ASTN1: variants seen among roughly 807,000 people sequenced by gnomAD.
ASTN1 encodes the protein astrotactin 1.
ASTN1 carries 41 observed loss-of-function variants against 140.7 expected under a neutral mutation model. The observed-to-expected ratio is 0.29, with a 90% CI of 0.23 to 0.38. The LOEUF is 0.38. Ranked by LOEUF, ASTN1 falls within the 10% of genes least tolerant of loss-of-function variation. ASTN1 has a pLI of 1.00. For missense variants in ASTN1, 1,479 were observed against 1,678.8 expected (o/e 0.88, Z 2.08); for synonymous variants, 640 against 652.2 (o/e 0.98, Z 0.29).
At chr1:177,059,727 T>C (rs1038721967) in intron 2 of ASTN1, among the ~76,000 whole-genome samples, 2 of 152,222 alleles carry the variant, frequency 1.3e-5, no homozygotes, top group African/African-American at 4.8e-5. Context: ...CTTTGGATAA[T>C]AGGCATTCTT....
At chr1:177,120,429 TC>T (rs1218871654) in intron 1 of ASTN1, among the ~76,000 whole-genome samples, 1 of 152,136 alleles carries the variant, frequency 6.6e-6, no homozygotes, top group African/African-American at 2.4e-5. Flanking sequence ...GGGGTTTTCT[TC>T]ATCTAGATTC....
At chr1:176,907,291 T>C (rs1038368091) in intron 16 of ASTN1, among the ~76,000 whole-genome samples, 3 of 152,202 alleles carry the variant, frequency 2.0e-5, no homozygotes, top group African/African-American at 7.2e-5. Context: ...GAACGCTTTT[T>C]ATAAATCTTA....
At chr1:176,980,908 C>T (rs192247097) in intron 8 of ASTN1, among the ~76,000 whole-genome samples, 14 of 151,956 alleles carry the variant, frequency 9.2e-5, no homozygotes, top group Admixed American at 5.2e-4. Context: ...CGCCAGATAC[C>T]ACAGTAAGCA....
intron 1 of ASTN1, among the ~76,000 whole-genome samples, chr1:177,130,055 A>C (rs1681870071): frequency 1.3e-5 from 2 of 152,268 alleles, no homozygotes; most frequent in African/African-American, 4.8e-5. Context: ...GCTGAGGCTC[A>C]GAAAAGTTAA....
Position 176,862,933 on chromosome 1 carries a change from G to A in ASTN1, c.*1351C>T, listed in dbSNP as rs952510479. 1 of 985,344 alleles carries A rather than the reference G, an allele frequency of 1.0e-6. No individual in the cohort carries two copies. Among genetic ancestry groups the A allele is most frequent in the Admixed American group, 6.1e-5 (1 of 16,272 alleles). 61.0% of individuals were successfully genotyped at this position (985,344 alleles called of 1,614,324 possible). On this transcript the variant is annotated 3_prime_UTR_variant, in exon 23 of 23. Coordinates refer to ENST00000361833, the MANE Select transcript of ASTN1 (RefSeq NM_004319.3). Reference sequence around the variant, plus strand: ...TCCAGATGAGGAGCCCTGGTCAAAGGCATGGTGGCTGAAGGTGTGTGTTCA... The same window carrying A: ...TCCAGATGAGGAGCCCTGGTCAAAGACATGGTGGCTGAAGGTGTGTGTTCA...
At chr1:176,893,758 C>T (rs1273126486) in intron 17 of ASTN1, among the ~76,000 whole-genome samples, 10 of 152,186 alleles carry the variant, frequency 6.6e-5, no homozygotes, top group Non-Finnish European at 1.2e-4. Context: ...GTCCCACACC[C>T]GGCGTCTCCT....
At chr1:177,157,689 C>G (rs1244353284) in intron 1 of ASTN1, among the ~76,000 whole-genome samples, 1 of 152,006 alleles carries the variant, frequency 6.6e-6, no homozygotes. Flanking sequence ...CTGCTAGAAG[C>G]TTTGAGGCCC....
chr1:176,960,786 C>A (rs1215859498), intron 9 of ASTN1, among the ~76,000 whole-genome samples: 1 of 152,152 alleles, frequency 6.6e-6, no homozygotes, highest in East Asian at 1.9e-4. Context: ...TGCTTTTGCT[C>A]CTAATAGTCC....
intron 1 of ASTN1, among the ~76,000 whole-genome samples, chr1:177,099,210 T>C (rs1158098422): frequency 6.6e-6 from 1 of 152,190 alleles, no homozygotes; most frequent in Non-Finnish European, 1.5e-5. Flanking sequence ...TTTTATGTAC[T>C]CTCTTTTTTC....
chr1:176,876,579 C>T lies in ASTN1; in HGVS notation c.3421G>A (p.Val1141Met), dbSNP rs138300101. The T allele has an allele frequency of 2.3e-5, 37 of 1,614,062 alleles. No individual in the cohort carries two copies. The highest frequency in any genetic ancestry group is 1.3e-4 in the East Asian group (6 of 44,884). The change falls in exon 21 of 23, where the codon GTG becomes ATG. Residue 1141 changes from valine to methionine, a missense_variant. Coordinates refer to ENST00000361833, the MANE Select transcript of ASTN1 (RefSeq NM_004319.3). ...GRRSRPSDVI[V>M]KTPCPVVDDV... ...TCCACCACGGGGCATGGGGTCTTCA[C>T]GATCACGTCGCTTGGCCTGGAGCGC...
At chr1:177,039,968 A>T (rs2101991324) in intron 2 of ASTN1, among the ~76,000 whole-genome samples, 1 of 152,324 alleles carries the variant, frequency 6.6e-6, no homozygotes, top group Non-Finnish European at 1.5e-5. Flanking sequence ...TTGCACACAA[A>T]GACCTCTGAA....
chr1:176,893,461 C>T (rs1229406808), intron 17 of ASTN1, among the ~76,000 whole-genome samples: 2 of 152,158 alleles, frequency 1.3e-5, no homozygotes, highest in Non-Finnish European at 2.9e-5. Flanking sequence ...AACGTGTAGG[C>T]CACGAGAACA....
At chr1:177,107,671 C>T (rs1437001946) in intron 1 of ASTN1, among the ~76,000 whole-genome samples, 1 of 152,182 alleles carries the variant, frequency 6.6e-6, no homozygotes, top group Non-Finnish European at 1.5e-5. Flanking sequence ...CTCACCAGCT[C>T]CGGGTTCTAG....
intron 14 of ASTN1, 129 bp downstream of exon 14, chr1:176,943,762 G>A: frequency 7.4e-6 from 9 of 1,218,784 alleles, no homozygotes; most frequent in Non-Finnish European, 9.8e-6. Context: ...TTATGGCTGA[G>A]CTTTTATTGT....
intron 20 of ASTN1, among the ~76,000 whole-genome samples, chr1:176,880,280 C>T (rs1668741939): frequency 6.6e-6 from 1 of 152,178 alleles, no homozygotes; most frequent in African/African-American, 2.4e-5. Flanking sequence ...GAGTGGAGGA[C>T]TCGTAAGCCC....
At chr1:177,080,259 C>CAAAAAAA (rs11300384) in intron 1 of ASTN1, among the ~76,000 whole-genome samples, 1 of 48,404 alleles carries the variant, frequency 2.1e-5, no homozygotes, top group Non-Finnish European at 3.6e-5. Flanking sequence ...ATCACCAGGC[C>CAAAAAAA]AAAAAAAAAA....
chr1:177,152,687 T>C lies in ASTN1; in HGVS notation c.283+11707A>G, dbSNP rs377614238. Among the ~76,000 whole-genome samples the C allele has an allele frequency of 3.9e-5, 6 of 152,256 alleles. No individual in the cohort carries two copies. The East Asian group carries it at 1.2e-3, about 29-fold the overall frequency. ...CAAGGTTTATGACTAAAAATACCACTAGCTTTTGTTATTCTTCTTCTTGTT... is the reference window on the plus strand; with the variant it reads ...CAAGGTTTATGACTAAAAATACCACCAGCTTTTGTTATTCTTCTTCTTGTT... On this transcript the variant is annotated intron_variant, in intron 1 of 22. Coordinates refer to ENST00000361833, the MANE Select transcript of ASTN1 (RefSeq NM_004319.3).
chr1:177,070,213 C>T (rs530857828), intron 1 of ASTN1, among the ~76,000 whole-genome samples: 8 of 152,182 alleles, frequency 5.3e-5, no homozygotes, highest in South Asian at 2.1e-4. Context: ...ACATGGATGC[C>T]GGAATTTTGG....
chr1:177,090,740 T>C (rs940479609), intron 1 of ASTN1, among the ~76,000 whole-genome samples: 5 of 152,200 alleles, frequency 3.3e-5, no homozygotes, highest in Admixed American at 6.5e-5. Context: ...GAGGCTTCAA[T>C]GTGTAAATTC....
Sources: allele counts gnomAD v4.1 joint callset (sites outside exome capture counted in the v4.1 genomes callset), GRCh38; gene constraint gnomAD v4.1.1; transcripts MANE v1.5; gene names NCBI Gene and HGNC (gene_info 2026-07-23, HGNC 2026-07-21).